ERBB4: variants seen among roughly 807,000 people sequenced by gnomAD.
ERBB4 encodes the protein erb-b2 receptor tyrosine kinase 4.
ERBB4 carries 42 observed loss-of-function variants against 158.0 expected under a neutral mutation model. That is an observed-to-expected ratio of 0.27 (90% CI 0.21 to 0.34). ERBB4 has a LOEUF of 0.34. Among genes scored for constraint, ERBB4 ranks in the 10% least tolerant of loss-of-function variants. The pLI is 1.00. For missense variants in ERBB4, 1,333 were observed against 1,624.1 expected, an observed-to-expected ratio of 0.82 and a Z score of 3.08; for synonymous variants, 583 against 558.7, an observed-to-expected ratio of 1.04 and a Z score of -0.61.
In ERBB4 at chr2:211,975,105, C is replaced by A. The variant is rs113875196; in HGVS notation, c.235-27489G>T. ...TCAAGTGATCATCCCACCTCAGTCTCCTGAGTAGCTGGGACTACAAGTACA... is the reference window on the plus strand; with the variant it reads ...TCAAGTGATCATCCCACCTCAGTCTACTGAGTAGCTGGGACTACAAGTACA... On this transcript the variant is annotated intron_variant, in intron 2 of 27. Coordinates refer to ENST00000342788, the MANE Select transcript of ERBB4 (RefSeq NM_005235.3). 4.7e-3 allele frequency among the ~76,000 whole-genome samples: 720 copies of A among 152,182 alleles called. 7 individuals are homozygous for A. The highest frequency in any genetic ancestry group is 0.016 in the African/African-American group (677 of 41,514).
intron 2 of ERBB4, among the ~76,000 whole-genome samples, chr2:212,121,912 TC>T (rs2079761855): frequency 6.6e-6 from 1 of 152,104 alleles, no homozygotes; most frequent in South Asian, 2.1e-4. Flanking sequence ...ATTCAAGCAC[TC>T]CTTTGATGAA....
intron 20 of ERBB4, among the ~76,000 whole-genome samples, chr2:211,555,476 C>G (rs1438669847): frequency 6.6e-6 from 1 of 152,186 alleles, no homozygotes; most frequent in Non-Finnish European, 1.5e-5. Context: ...TGAGCCACTA[C>G]GCCCAGCCTA....
intron 2 of ERBB4, among the ~76,000 whole-genome samples, chr2:212,095,299 A>G (rs2078896814): frequency 6.6e-6 from 1 of 152,220 alleles, no homozygotes; most frequent in Non-Finnish European, 1.5e-5. Context: ...TGATTTTATT[A>G]AACTTGTTCC....
At chr2:212,510,819 G>T (rs776390379) in intron 1 of ERBB4, among the ~76,000 whole-genome samples, 27 of 151,942 alleles carry the variant, frequency 1.8e-4, no homozygotes, top group Admixed American at 6.6e-5. Context: ...ATGAAACAAA[G>T]TAATAGCCAT....
At chr2:212,309,538 G>A (rs2086943904) in intron 1 of ERBB4, among the ~76,000 whole-genome samples, 1 of 150,906 alleles carries the variant, frequency 6.6e-6, no homozygotes, top group South Asian at 2.1e-4. Flanking sequence ...ATCTAGCAGA[G>A]TGACTGGTGA....
At chr2:212,044,337 A>G (rs561804809) in intron 2 of ERBB4, among the ~76,000 whole-genome samples, 4 of 152,332 alleles carry the variant, frequency 2.6e-5, no homozygotes, top group Admixed American at 2.6e-4. Flanking sequence ...TATTCAAGAT[A>G]TAAGTACAAG....
intron 3 of ERBB4, among the ~76,000 whole-genome samples, chr2:211,941,677 A>G (rs2080501316): frequency 6.6e-6 from 1 of 151,362 alleles, no homozygotes; most frequent in Non-Finnish European, 1.5e-5. Flanking sequence ...ACAGATCTTA[A>G]GCACAAAGTA....
chr2:211,401,084 C>CTT (rs930952200), intron 25 of ERBB4, among the ~76,000 whole-genome samples: 1 of 151,880 alleles, frequency 6.6e-6, no homozygotes, highest in Non-Finnish European at 1.5e-5. Context: ...TAAAGCATTC[C>CTT]TTTGAAAATT....
intron 20 of ERBB4, among the ~76,000 whole-genome samples, chr2:211,500,797 C>T (rs530535708): frequency 1.3e-5 from 2 of 152,078 alleles, no homozygotes; most frequent in East Asian, 3.9e-4. Flanking sequence ...TTGTACATAT[C>T]TCACACTGAG....
At chr2:211,776,747 A>C (rs1203796040) in intron 4 of ERBB4, among the ~76,000 whole-genome samples, 1 of 152,184 alleles carries the variant, frequency 6.6e-6, no homozygotes, top group African/African-American at 2.4e-5. Flanking sequence ...TTTGGCTGAG[A>C]GGATGACTCA....
At chr2:212,092,231 G>A (rs1025734672) in intron 2 of ERBB4, among the ~76,000 whole-genome samples, 65 of 152,192 alleles carry the variant, frequency 4.3e-4, no homozygotes, top group African/African-American at 1.6e-3. Context: ...ATTATACATA[G>A]TTATTAGAAT....
chr2:211,861,339 GT>G (rs1553648578), intron 3 of ERBB4, among the ~76,000 whole-genome samples: 3,286 of 89,742 alleles, frequency 0.037, 162 homozygotes, highest in African/African-American at 0.13. Flanking sequence ...TTTTTTTTTT[GT>G]TTTTTTTTTG....
intron 3 of ERBB4, among the ~76,000 whole-genome samples, chr2:211,910,854 A>T (rs1019392991): frequency 3.9e-5 from 6 of 152,202 alleles, no homozygotes; most frequent in Non-Finnish European, 8.8e-5. Context: ...GGGAACAATA[A>T]GTCAATATTA....
chr2:212,511,175 C>A (rs1004588753), intron 1 of ERBB4, among the ~76,000 whole-genome samples: 1 of 152,186 alleles, frequency 6.6e-6, no homozygotes, highest in East Asian at 1.9e-4. Context: ...ATTAAAGATG[C>A]CACTGTAACT....
chr2:211,659,631 T>TA (rs546320973), intron 15 of ERBB4, among the ~76,000 whole-genome samples: 1 of 152,028 alleles, frequency 6.6e-6, no homozygotes, highest in East Asian at 1.9e-4. Context: ...CTTGAAAGAT[T>TA]AAAAAAAATT....
At chr2:211,739,749 G>A (rs1253874823) in intron 5 of ERBB4, among the ~76,000 whole-genome samples, 1 of 152,222 alleles carries the variant, frequency 6.6e-6, no homozygotes, top group African/African-American at 2.4e-5. Flanking sequence ...GATTACAGGC[G>A]TGAGCCACTG....
chr2:211,918,161 G>T (rs2079753018), intron 3 of ERBB4, among the ~76,000 whole-genome samples: 1 of 152,102 alleles, frequency 6.6e-6, no homozygotes, highest in Non-Finnish European at 1.5e-5. Flanking sequence ...AAAGCTCTCA[G>T]GGATCAGGTA....
Position 212,325,876 on chromosome 2 carries a change from A to G in ERBB4, c.83-200973T>C, listed in dbSNP as rs145256536. ...ATATAGGAAACATTTTTTCCATATT[A>G]TTTTCCAAATGAAATTGTTTGCTCA... On this transcript the variant is annotated intron_variant, in intron 1 of 27. Transcript: ENST00000342788. Among the ~76,000 whole-genome samples, 130 of 150,596 alleles carry G rather than the reference A, an allele frequency of 8.6e-4. 1 individual carries two copies. The highest frequency in any genetic ancestry group is 3.4e-3 in the Middle Eastern group (1 of 294).
At position 211,380,371 on chromosome 2, in the gene ERBB4, A is replaced by C. The variant is rs1248208515; in HGVS notation, c.*3244T>G. 4.3e-6 allele frequency: 1 copy of C among 231,658 alleles called. No individual in the cohort carries two copies. The highest frequency in any genetic ancestry group is 5.7e-5 in the Admixed American group (1 of 17,628). 14.4% of individuals were successfully genotyped at this position (231,658 alleles called of 1,614,324 possible). A position where few individuals can be genotyped will look rare whatever the true frequency, so the allele number is the denominator to read the frequency against. On this transcript the variant is annotated 3_prime_UTR_variant, in exon 28 of 28. Coordinates refer to ENST00000342788, the MANE Select transcript of ERBB4 (RefSeq NM_005235.3). ...CTGCAAAATTTTTCCATACCTGCCC[A>C]AAATAGGTATAATCTACAAAGTTGG...
Sources: gnomAD v4.1 joint callset for allele counts (sites outside exome capture counted in the v4.1 genomes callset) on GRCh38, gnomAD v4.1.1 for gene constraint, MANE v1.5 for transcripts, NCBI Gene and HGNC (gene_info 2026-07-23, HGNC 2026-07-21) for gene names.